CAMTA1: variants seen among roughly 807,000 people sequenced by gnomAD.
CAMTA1 encodes calmodulin binding transcription activator 1, also known as calmodulin-binding transcription activator 1.
A neutral mutation model predicts 170.9 loss-of-function variants in CAMTA1; 27 were observed. That is an observed-to-expected ratio of 0.16 (90% CI 0.12 to 0.22). The LOEUF (loss-of-function observed/expected upper bound fraction) is 0.22, where lower values mean the gene tolerates loss of function less well. Among genes scored for constraint, CAMTA1 ranks in the 10% least tolerant of loss-of-function variants. CAMTA1 has a pLI of 1.00. For synonymous variants in CAMTA1, 833 were observed against 891.5 expected (o/e 0.93, Z 1.17); for missense variants, 1,619 against 2,217.2 (o/e 0.73, Z 5.42).
intron 4 of CAMTA1, among the ~76,000 whole-genome samples, chr1:7,229,364 C>T (rs1214340359): frequency 1.4e-5 from 2 of 145,276 alleles, no homozygotes; most frequent in Non-Finnish European, 3.0e-5. Context: ...CAGCTGGAGG[C>T]CAGGACAATG....
chr1:7,715,326 C>T (rs990297199), intron 11 of CAMTA1, among the ~76,000 whole-genome samples: 2 of 152,158 alleles, frequency 1.3e-5, no homozygotes, highest in African/African-American at 4.8e-5. Context: ...CGTTTTGTTC[C>T]ATTATTTAAC....
intron 5 of CAMTA1, among the ~76,000 whole-genome samples, chr1:7,309,243 A>G (rs1489796228): frequency 1.4e-5 from 2 of 144,578 alleles, no homozygotes; most frequent in Admixed American, 1.4e-4. Flanking sequence ...GTTCTTTGCT[A>G]TTCATTCTGA....
chr1:7,121,732 G>T (rs1288932794), intron 4 of CAMTA1, among the ~76,000 whole-genome samples: 1 of 152,190 alleles, frequency 6.6e-6, no homozygotes, highest in Non-Finnish European at 1.5e-5. Flanking sequence ...GGCACGGCGA[G>T]TTCTGGCAGC....
At chr1:7,269,788 G>A (rs1283908403) in intron 5 of CAMTA1, among the ~76,000 whole-genome samples, 6 of 152,088 alleles carry the variant, frequency 3.9e-5, no homozygotes, top group African/African-American at 9.7e-5. Flanking sequence ...ATGAGGAGTG[G>A]GTGGCAGAAA....
chr1:7,556,166 G>C (rs2094874247), intron 6 of CAMTA1, among the ~76,000 whole-genome samples: 1 of 152,212 alleles, frequency 6.6e-6, no homozygotes, highest in South Asian at 2.1e-4. Flanking sequence ...ATTCCTGCGG[G>C]CTCTGGGCGG....
intron 5 of CAMTA1, chr1:7,441,528 T>C (rs1185274823): frequency 6.6e-6 from 1 of 152,188 alleles, no homozygotes; most frequent in African/African-American, 2.4e-5. Flanking sequence ...CAGTGTCCAC[T>C]GGTGCAGGGG....
intron 3 of CAMTA1, among the ~76,000 whole-genome samples, chr1:6,943,947 T>C (rs755565499): frequency 6.6e-6 from 1 of 151,972 alleles, no homozygotes; most frequent in Non-Finnish European, 1.5e-5. Context: ...CACATTGTGG[T>C]ACCATCACCA....
intron 6 of CAMTA1, among the ~76,000 whole-genome samples, chr1:7,550,281 G>C (rs1379704895): frequency 6.6e-6 from 1 of 152,138 alleles, no homozygotes; most frequent in African/African-American, 2.4e-5. Context: ...GGAGACCCTG[G>C]TCTGGGAGGG....
chr1:7,610,781 C>T (rs955236050), intron 6 of CAMTA1, among the ~76,000 whole-genome samples: 1 of 152,242 alleles, frequency 6.6e-6, no homozygotes, highest in Non-Finnish European at 1.5e-5. Context: ...GCCCCTAAGG[C>T]AAGGATGGGT....
intron 5 of CAMTA1, among the ~76,000 whole-genome samples, chr1:7,425,441 G>A (rs2091826028): frequency 1.3e-5 from 2 of 152,164 alleles, no homozygotes; most frequent in East Asian, 1.9e-4. Context: ...TGTGAATGGC[G>A]ATGGGGGCAG....
intron 4 of CAMTA1, among the ~76,000 whole-genome samples, chr1:7,103,166 C>T (rs1003126680): frequency 2.0e-5 from 3 of 151,938 alleles, no homozygotes; most frequent in African/African-American, 7.3e-5. Context: ...AGGGTACCTA[C>T]CTGAGTAGCT....
At chr1:6,815,268 T>A (rs932275213) in intron 1 of CAMTA1, among the ~76,000 whole-genome samples, 1 of 151,896 alleles carries the variant, frequency 6.6e-6, no homozygotes, top group African/African-American at 2.4e-5. Context: ...GCAGTAGTGC[T>A]GTCATGGCTC....
chr1:7,554,612 C>G (rs4908468), intron 6 of CAMTA1, among the ~76,000 whole-genome samples: 95,033 of 151,962 alleles, frequency 0.63, 30,223 homozygotes, highest in South Asian at 0.73. Context: ...ACTGCCTCCA[C>G]CCTGATCATC....
intron 11 of CAMTA1, among the ~76,000 whole-genome samples, chr1:7,711,903 G>A (rs2096573587): frequency 6.6e-6 from 1 of 152,146 alleles, no homozygotes; most frequent in South Asian, 2.1e-4. Context: ...ATAAATGGCA[G>A]GTAGGTTCCC....
chr1:6,995,994 G>A (rs1697193499), intron 3 of CAMTA1, among the ~76,000 whole-genome samples: 1 of 152,242 alleles, frequency 6.6e-6, no homozygotes, highest in African/African-American at 2.4e-5. Context: ...AGCTCACCAA[G>A]GGAGGCGGGT....
chr1:7,322,769 TA>T (rs1437416958), intron 5 of CAMTA1, among the ~76,000 whole-genome samples: 23 of 152,388 alleles, frequency 1.5e-4, no homozygotes, highest in African/African-American at 5.0e-4. Flanking sequence ...TAATATTGTT[TA>T]ATTGTACCTT....
At chr1:7,351,281 C>G (rs2084650986) in intron 5 of CAMTA1, among the ~76,000 whole-genome samples, 1 of 152,248 alleles carries the variant, frequency 6.6e-6, no homozygotes, top group African/African-American at 2.4e-5. Context: ...AATTGTTCTG[C>G]CTTCTTAGTG....
intron 6 of CAMTA1, among the ~76,000 whole-genome samples, chr1:7,632,480 T>C (rs2148869430): frequency 6.6e-6 from 1 of 152,344 alleles, no homozygotes; most frequent in African/African-American, 2.4e-5. Context: ...GCCACTCTGA[T>C]TTATTGACCA....
chr1:7,477,388 C>T (rs142344129), intron 6 of CAMTA1, among the ~76,000 whole-genome samples: 10 of 152,216 alleles, frequency 6.6e-5, no homozygotes, highest in African/African-American at 2.2e-4. Flanking sequence ...ATTTAATGTC[C>T]CTTGAATAAC....
Sources: allele counts gnomAD v4.1 joint callset (sites outside exome capture counted in the v4.1 genomes callset), GRCh38; gene constraint gnomAD v4.1.1; transcripts MANE v1.5; gene names NCBI Gene and HGNC (gene_info 2026-07-23, HGNC 2026-07-21).